The following FGD4 variants were observed in gnomAD, a reference collection of about 807,000 sequenced individuals.
The protein encoded by FGD4 is FYVE, RhoGEF and PH domain-containing protein 4.
In FGD4, 42 loss-of-function variants were observed where a neutral mutation model predicts 102.0. The ratio of observed to expected loss-of-function variants is 0.41; its 90% CI spans 0.32 to 0.53. FGD4 has a LOEUF of 0.53. FGD4 is among the 20% of genes least tolerant of loss of function. The pLI, the probability that FGD4 is intolerant of heterozygous loss-of-function variation, is 0.21. For synonymous variants in FGD4, 380 were observed against 375.7 expected (o/e 1.01, Z -0.13); for missense variants, 902 against 1,078.2 (o/e 0.84, Z 2.29).
At chr12:32,537,536 CCT>C (rs910397123) in intron 1 of FGD4, among the ~76,000 whole-genome samples, 3 of 152,100 alleles carry the variant, frequency 2.0e-5, no homozygotes, top group South Asian at 2.1e-4. Context: ...AAGGAAATCC[CCT>C]GTTCTTTCAA....
chr12:32,594,051 G>GCT (rs1388563247), intron 4 of FGD4, among the ~76,000 whole-genome samples: 1 of 152,158 alleles, frequency 6.6e-6, no homozygotes, highest in African/African-American at 2.4e-5. Flanking sequence ...AATAGTTGAG[G>GCT]CATGATGAAA....
intron 1 of FGD4, among the ~76,000 whole-genome samples, chr12:32,561,821 A>G (rs984382080): frequency 3.3e-5 from 5 of 152,180 alleles, no homozygotes; most frequent in African/African-American, 9.7e-5. Flanking sequence ...CTCTTCATCT[A>G]TGTCTCATGA....
At chr12:32,607,843 C>T in intron 7 of FGD4, 114 bp from the exon 8 acceptor site, 2 of 1,099,410 alleles carry the variant, frequency 1.8e-6, no homozygotes, top group Admixed American at 1.8e-5. Flanking sequence ...AGGTGATGGA[C>T]AGTCACACTT....
At chr12:32,463,378 G>A (rs1943161364) in intron 1 of FGD4, among the ~76,000 whole-genome samples, 2 of 152,192 alleles carry the variant, frequency 1.3e-5, no homozygotes, top group South Asian at 2.1e-4. Flanking sequence ...AATGTCAAGA[G>A]TCACCTTTGT....
chr12:32,530,063 C>T (rs901176926), intron 1 of FGD4, among the ~76,000 whole-genome samples: 5 of 151,852 alleles, frequency 3.3e-5, no homozygotes, highest in Non-Finnish European at 7.4e-5. Context: ...GGTTTTAATC[C>T]AGGAAGTGCA....
chr12:32,409,158 C>T (rs1250872971), intron 1 of FGD4, among the ~76,000 whole-genome samples: 2 of 152,186 alleles, frequency 1.3e-5, no homozygotes, highest in Non-Finnish European at 2.9e-5. Flanking sequence ...ACCCAATGAG[C>T]TACCAGTTCT....
intron 12 of FGD4, chr12:32,624,655 G>A (rs1019859198): frequency 3.7e-5 from 25 of 678,560 alleles, no homozygotes; most frequent in East Asian, 1.1e-4. Context: ...TTTGTATTTC[G>A]TAGAGACGAG....
chr12:32,473,849 A>T (rs555184655), intron 1 of FGD4, among the ~76,000 whole-genome samples: 115 of 152,270 alleles, frequency 7.6e-4, no homozygotes, highest in African/African-American at 2.8e-3. Context: ...GCACTTTGGG[A>T]GGCTGAGGCG....
At chr12:32,536,419 T>C (rs1203499571) in intron 1 of FGD4, among the ~76,000 whole-genome samples, 1 of 152,206 alleles carries the variant, frequency 6.6e-6, no homozygotes, top group Non-Finnish European at 1.5e-5. Context: ...AAAAAGGTAT[T>C]TTCTTAGATG....
chr12:32,620,512 T>TTTTC (rs1169374242), intron 11 of FGD4, among the ~76,000 whole-genome samples: 3 of 129,396 alleles, frequency 2.3e-5, no homozygotes, highest in African/African-American at 9.3e-5. Flanking sequence ...TAACCATTTT[T>TTTTC]TTTCTTTCTT....
rs967546183 is a variant in FGD4 at position 32,643,603 on chromosome 12, A to G, written c.*3070A>G. 6.6e-6 allele frequency: 1 copy of G among 151,936 alleles called. No individual in the cohort carries two copies. The highest frequency in any genetic ancestry group is 2.4e-5 in the African/African-American group (1 of 41,424). 9.4% of individuals were successfully genotyped at this position (151,936 alleles called of 1,614,324 possible). A position where few individuals can be genotyped will look rare whatever the true frequency, so the allele number is the denominator to read the frequency against. On this transcript the variant is annotated 3_prime_UTR_variant, in exon 17 of 17. Transcript: ENST00000534526. The stretch of plus-strand genomic sequence containing the variant: ...ACCCCAATTTTTTTAAAAATTATTA[A>G]ACTTTTTACAGAAACTAACCTTTTA...
intron 1 of FGD4, among the ~76,000 whole-genome samples, chr12:32,546,607 C>T (rs1208860530): frequency 6.6e-6 from 1 of 152,160 alleles, no homozygotes; most frequent in East Asian, 1.9e-4. Context: ...CTGACTTCTC[C>T]CTGAGGAGGT....
intron 6 of FGD4, 35 bp from the exon 7 acceptor site, chr12:32,602,126 T>G: frequency 6.2e-7 from 1 of 1,610,736 alleles, no homozygotes; most frequent in Non-Finnish European, 8.5e-7. Context: ...AAAAAAAATT[T>G]TTTTTAAAGA....
At chr12:32,507,604 C>G (rs540431708) in intron 1 of FGD4, among the ~76,000 whole-genome samples, 1 of 152,160 alleles carries the variant, frequency 6.6e-6, no homozygotes, top group East Asian at 1.9e-4. Context: ...AATGTGTGTT[C>G]TTTTTCAAAG....
intron 1 of FGD4, among the ~76,000 whole-genome samples, chr12:32,482,411 G>GT (rs1392123961): frequency 6.6e-6 from 1 of 152,222 alleles, no homozygotes; most frequent in African/African-American, 2.4e-5. Context: ...AAGAGGAAGT[G>GT]TGGTTTAGCA....
intron 1 of FGD4, among the ~76,000 whole-genome samples, chr12:32,411,979 GA>G (rs921002067): frequency 3.3e-5 from 5 of 150,180 alleles, no homozygotes; most frequent in African/African-American, 1.2e-4. Flanking sequence ...CATCTCAAAA[GA>G]AAAAAAAAGG....
intron 1 of FGD4, among the ~76,000 whole-genome samples, chr12:32,551,793 G>A (rs956287800): frequency 2.6e-5 from 4 of 152,106 alleles, no homozygotes; most frequent in African/African-American, 7.2e-5. Flanking sequence ...TAATATGCGT[G>A]GAGTTCTTCA....
intron 1 of FGD4, among the ~76,000 whole-genome samples, chr12:32,432,603 CAA>C (rs10715388): frequency 1.1e-3 from 145 of 137,326 alleles, no homozygotes; most frequent in South Asian, 1.2e-3. Flanking sequence ...GACTCCATCT[CAA>C]AAAAAAAAAA....
At chr12:32,600,729 C>A (rs977556744) in intron 5 of FGD4, among the ~76,000 whole-genome samples, 1 of 151,742 alleles carries the variant, frequency 6.6e-6, no homozygotes, top group East Asian at 1.9e-4. Flanking sequence ...TGAAATATTC[C>A]TTTGTCCATT....
Sources: allele counts gnomAD v4.1 joint callset (sites outside exome capture counted in the v4.1 genomes callset), GRCh38; gene constraint gnomAD v4.1.1; transcripts MANE v1.5; gene names NCBI Gene and HGNC (gene_info 2026-07-23, HGNC 2026-07-21).